The following PGM5 variants were observed in gnomAD, a reference collection of about 807,000 sequenced individuals.
PGM5 encodes the protein phosphoglucomutase 5, also known as phosphoglucomutase-like protein 5.
A neutral mutation model predicts 59.2 loss-of-function variants in PGM5; 23 were observed. The observed-to-expected ratio is 0.39, with a 90% CI of 0.28 to 0.55. The LOEUF (loss-of-function observed/expected upper bound fraction) is 0.55, where lower values mean the gene tolerates loss of function less well. Ranked by LOEUF, PGM5 falls within the 20% of genes least tolerant of loss-of-function variation. The pLI is 0.66. For synonymous variants in PGM5, 214 were observed against 286.0 expected (o/e 0.75, Z 2.54); for missense variants, 574 against 748.3 (o/e 0.77, Z 2.72).
intron 6 of PGM5, among the ~76,000 whole-genome samples, chr9:68,456,149 T>C (rs1309774630): frequency 3.9e-5 from 6 of 152,224 alleles, no homozygotes; most frequent in Admixed American, 6.5e-5. Context: ...TGCTGGATTA[T>C]AGGGCATGAT....
chr9:68,418,949 C>T (rs1823082831), intron 6 of PGM5, among the ~76,000 whole-genome samples: 1 of 151,998 alleles, frequency 6.6e-6, no homozygotes, highest in South Asian at 2.1e-4. Flanking sequence ...TTATAGTCGG[C>T]TGAAAAAGAG....
intron 10 of PGM5, among the ~76,000 whole-genome samples, chr9:68,504,200 A>G (rs1554688850): frequency 6.6e-6 from 1 of 152,206 alleles, no homozygotes; most frequent in African/African-American, 2.4e-5. Context: ...TGAATGTCTT[A>G]TAGACATCAC....
At chr9:68,392,501 T>G in intron 6 of PGM5, 28 bp downstream of exon 6, 1 of 1,608,460 alleles carries the variant, frequency 6.2e-7, no homozygotes, top group Non-Finnish European at 8.5e-7. Context: ...CGTGAAAAAC[T>G]TTATGGTAGA....
At chr9:68,462,315 G>A (rs1823868492) in intron 6 of PGM5, among the ~76,000 whole-genome samples, 1 of 152,146 alleles carries the variant, frequency 6.6e-6, no homozygotes, top group Admixed American at 6.6e-5. Flanking sequence ...AGAGATTCCA[G>A]GGGCTTTCTG....
chr9:68,527,894 C>T (rs1467950430), intron 10 of PGM5, among the ~76,000 whole-genome samples: 1 of 152,192 alleles, frequency 6.6e-6, no homozygotes, highest in African/African-American at 2.4e-5. Context: ...GAATTAAAAC[C>T]TTACACCTCA....
chr9:68,408,751 A>G (rs1242778040), intron 6 of PGM5, among the ~76,000 whole-genome samples: 1 of 152,162 alleles, frequency 6.6e-6, no homozygotes, highest in African/African-American at 2.4e-5. Flanking sequence ...TGATTTTTGT[A>G]TAAGGTGTAA....
At chr9:68,469,214 G>A (rs1411596934) in intron 7 of PGM5, among the ~76,000 whole-genome samples, 3 of 152,166 alleles carry the variant, frequency 2.0e-5, no homozygotes, top group Non-Finnish European at 2.9e-5. Flanking sequence ...CGCCATGCCG[G>A]CCACTATTAC....
chr9:68,510,072 A>C (rs1554689265), intron 10 of PGM5, among the ~76,000 whole-genome samples: 2 of 152,052 alleles, frequency 1.3e-5, no homozygotes, highest in Non-Finnish European at 2.9e-5. Flanking sequence ...GAGCACCCCA[A>C]CAAGATTTTG....
intron 2 of PGM5, among the ~76,000 whole-genome samples, chr9:68,380,996 T>A (rs1325238357): frequency 6.6e-6 from 1 of 151,906 alleles, no homozygotes; most frequent in African/African-American, 2.4e-5. Flanking sequence ...CTGAATTTTA[T>A]CAAACATTCA....
chr9:68,504,395 C>T (rs1013016905), intron 10 of PGM5, among the ~76,000 whole-genome samples: 2 of 152,134 alleles, frequency 1.3e-5, no homozygotes, highest in Non-Finnish European at 2.9e-5. Flanking sequence ...GAGCCCAAAC[C>T]CTTACCATGA....
intron 1 of PGM5, among the ~76,000 whole-genome samples, chr9:68,363,422 A>G (rs1834619107): frequency 6.6e-6 from 1 of 152,310 alleles, no homozygotes; most frequent in Non-Finnish European, 1.5e-5. Flanking sequence ...CATACTGGAC[A>G]GCAAAGACCT....
intron 1 of PGM5, among the ~76,000 whole-genome samples, chr9:68,365,836 T>C (rs1190189530): frequency 6.6e-6 from 1 of 152,196 alleles, no homozygotes; most frequent in African/African-American, 2.4e-5. Flanking sequence ...TTTATTCTAC[T>C]TGACCAAACA....
intron 9 of PGM5, among the ~76,000 whole-genome samples, chr9:68,494,064 A>G (rs1315285742): frequency 6.6e-6 from 1 of 152,108 alleles, no homozygotes; most frequent in Non-Finnish European, 1.5e-5. Context: ...CCACCACATA[A>G]TTAACATTGT....
chr9:68,487,258 G>A (rs1240819110), intron 9 of PGM5, among the ~76,000 whole-genome samples: 2 of 152,072 alleles, frequency 1.3e-5, no homozygotes, highest in African/African-American at 4.8e-5. Flanking sequence ...GAGGGGAGGA[G>A]CTAGTGATAA....
At chr9:68,483,394 A>G (rs962298500) in intron 8 of PGM5, among the ~76,000 whole-genome samples, 2 of 152,196 alleles carry the variant, frequency 1.3e-5, no homozygotes, top group Admixed American at 6.5e-5. Context: ...CTGGTATTTG[A>G]AGAGCTGGCA....
chr9:68,499,425 A>T, intron 10 of PGM5, 64 bp downstream of exon 10: 2 of 1,544,162 alleles, frequency 1.3e-6, no homozygotes, highest in East Asian at 2.3e-5. Flanking sequence ...AGAGAGCTCC[A>T]TGGGCCTTTA....
intron 10 of PGM5, 118 bp from the exon 11 acceptor site, chr9:68,529,449 A>T (rs7856166): frequency 2.8e-6 from 2 of 725,770 alleles, no homozygotes; most frequent in Non-Finnish European, 4.7e-6. Flanking sequence ...GCTCATGAAG[A>T]CTGCCTGTAA....
At position 68,507,968 on chromosome 9, in the gene PGM5, T is replaced by A. The variant is rs1222584285; in HGVS notation, c.1614+8607T>A. Among the ~76,000 whole-genome samples, 3 of 152,218 alleles carry A rather than the reference T, an allele frequency of 2.0e-5. No homozygotes were observed. In the East Asian group the frequency reaches 5.8e-4, roughly 29 times the overall value. On this transcript the variant is annotated intron_variant, in intron 10 of 10. Transcript: ENST00000396396. ...TCTGGGAGATTCCCTCAGGGCCTAG[T>A]GTCTATCATAGACCAGGGCTTTTTA...
chr9:68,362,455 C>T (rs1246817308), intron 1 of PGM5, among the ~76,000 whole-genome samples: 2 of 152,230 alleles, frequency 1.3e-5, no homozygotes, highest in African/African-American at 2.4e-5. Context: ...TTTAAAAATT[C>T]CCAGAAATAT....
Sources: allele counts gnomAD v4.1 joint callset (sites outside exome capture counted in the v4.1 genomes callset), GRCh38; gene constraint gnomAD v4.1.1; transcripts MANE v1.5; gene names NCBI Gene and HGNC (gene_info 2026-07-23, HGNC 2026-07-21).